The following KANSL1L variants were observed in gnomAD, a reference collection of about 807,000 sequenced individuals.
The protein encoded by KANSL1L is KAT8 regulatory NSL complex subunit 1 like.
In KANSL1L, 25 loss-of-function variants were observed where a neutral mutation model predicts 108.6. The observed-to-expected ratio is 0.23, with a 90% CI of 0.17 to 0.32. The LOEUF is 0.32. KANSL1L is among the 10% of genes least tolerant of loss of function. The probability of loss-of-function intolerance (pLI) is 1.00; values close to 1 mark genes in which losing one functional copy is unlikely to be tolerated. For synonymous variants in KANSL1L, 405 were observed against 395.1 expected (o/e 1.03, Z -0.30); for missense variants, 1,137 against 1,125.7 (o/e 1.01, Z -0.14).
intron 8 of KANSL1L, among the ~76,000 whole-genome samples, chr2:210,039,869 C>CTGAT (rs1312371852): frequency 1.3e-5 from 2 of 151,870 alleles, no homozygotes; most frequent in South Asian, 4.1e-4. Flanking sequence ...CAATTCTTCC[C>CTGAT]TGATATATAA....
intron 3 of KANSL1L, among the ~76,000 whole-genome samples, chr2:210,126,235 C>A (rs2095064411): frequency 6.6e-6 from 1 of 152,114 alleles, no homozygotes; most frequent in South Asian, 2.1e-4. Flanking sequence ...GAATAAAACA[C>A]TTCAGAATAT....
chr2:210,059,753 T>C (rs75904948), intron 6 of KANSL1L, among the ~76,000 whole-genome samples: 285 of 151,924 alleles, frequency 1.9e-3, no homozygotes, highest in African/African-American at 6.6e-3. Context: ...CCCAGCAGCA[T>C]AAAAATACTA....
intron 4 of KANSL1L, among the ~76,000 whole-genome samples, chr2:210,100,339 G>C (rs1196860140): frequency 6.6e-5 from 10 of 152,126 alleles, no homozygotes; most frequent in Non-Finnish European, 1.2e-4. Flanking sequence ...AACACGTTGG[G>C]AACAGCTGAC....
intron 1 of KANSL1L, chr2:210,170,161 C>A (rs1299480187): frequency 1.3e-5 from 2 of 156,884 alleles, no homozygotes; most frequent in East Asian, 3.8e-4. Context: ...GTGCTCACTT[C>A]ACTTAGGTTT....
intron 3 of KANSL1L, among the ~76,000 whole-genome samples, chr2:210,108,497 T>C (rs1559562646): frequency 6.6e-6 from 1 of 152,208 alleles, no homozygotes; most frequent in Non-Finnish European, 1.5e-5. Context: ...AGTTAAAGGA[T>C]TATGAATCAG....
chr2:210,149,181 G>C (rs913697648), intron 2 of KANSL1L, among the ~76,000 whole-genome samples: 4 of 151,840 alleles, frequency 2.6e-5, no homozygotes, highest in Non-Finnish European at 5.9e-5. Context: ...ATATAGAAGA[G>C]AGAAATTTCA....
chr2:210,116,729 C>CCCAAGGG (rs2094957716), intron 3 of KANSL1L, among the ~76,000 whole-genome samples: 1 of 152,162 alleles, frequency 6.6e-6, no homozygotes, highest in South Asian at 2.1e-4. Context: ...GATCACAACA[C>CCCAAGGG]CCAAGGGTGT....
intron 3 of KANSL1L, among the ~76,000 whole-genome samples, chr2:210,126,535 T>C (rs559095612): frequency 7.9e-5 from 12 of 152,062 alleles, no homozygotes; most frequent in African/African-American, 2.4e-4. Flanking sequence ...AAATCTAGAG[T>C]TGGGCTCGGT....
At chr2:210,079,708 A>G (rs1168929286) in intron 5 of KANSL1L, 1 of 132,394 alleles carries the variant, frequency 7.6e-6, no homozygotes, top group African/African-American at 3.0e-5. Flanking sequence ...GTGTATATAT[A>G]TATATATATA....
intron 2 of KANSL1L, among the ~76,000 whole-genome samples, chr2:210,132,448 T>C (rs896987696): frequency 6.6e-6 from 1 of 152,092 alleles, no homozygotes; most frequent in Non-Finnish European, 1.5e-5. Flanking sequence ...ATCAAAGACA[T>C]TGGTGAGTGG....
At chr2:210,077,061 A>C (rs1462462953) in intron 5 of KANSL1L, among the ~76,000 whole-genome samples, 2 of 152,234 alleles carry the variant, frequency 1.3e-5, no homozygotes, top group African/African-American at 4.8e-5. Context: ...GCTTGTGGAT[A>C]AAGTAAATAA....
chr2:210,118,331 G>A (rs2094977062), intron 3 of KANSL1L, among the ~76,000 whole-genome samples: 1 of 151,516 alleles, frequency 6.6e-6, no homozygotes, highest in African/African-American at 2.4e-5. Context: ...AGCCAGGCAT[G>A]GTGGTACATG....
intron 14 of KANSL1L, among the ~76,000 whole-genome samples, chr2:210,023,516 C>G (rs1357526893): frequency 6.6e-6 from 1 of 152,090 alleles, no homozygotes; most frequent in South Asian, 2.1e-4. Flanking sequence ...TTAAAGGTAC[C>G]TATTAACTTT....
At chr2:210,032,703 T>C (rs571842087) in intron 8 of KANSL1L, 1 of 152,320 alleles carries the variant, frequency 6.6e-6, no homozygotes, top group African/African-American at 2.4e-5. Flanking sequence ...GTTGTATAAA[T>C]TCCCTTCCCA....
chr2:210,048,559 G>GTA (rs1490153992), intron 6 of KANSL1L, among the ~76,000 whole-genome samples: 1 of 151,770 alleles, frequency 6.6e-6, no homozygotes, highest in South Asian at 2.1e-4. Context: ...ATATGTGTGT[G>GTA]TATATATGTG....
At chr2:210,120,339 C>T (rs377308651) in intron 3 of KANSL1L, among the ~76,000 whole-genome samples, 55 of 152,186 alleles carry the variant, frequency 3.6e-4, no homozygotes, top group East Asian at 1.4e-3. Context: ...TTGCAGTGAG[C>T]GGAGATCACG....
At chr2:210,110,001 T>A (rs541362114) in intron 3 of KANSL1L, among the ~76,000 whole-genome samples, 1 of 152,296 alleles carries the variant, frequency 6.6e-6, no homozygotes, top group South Asian at 2.1e-4. Flanking sequence ...GCCAAGCTTG[T>A]AATTTCTTTG....
chr2:210,029,607 A>G (rs532950647), intron 10 of KANSL1L, among the ~76,000 whole-genome samples, 196 bp downstream of exon 10: 1 of 152,270 alleles, frequency 6.6e-6, no homozygotes, highest in African/African-American at 2.4e-5. Flanking sequence ...ATAACCAAAT[A>G]TTAATGAACT....
intron 4 of KANSL1L, among the ~76,000 whole-genome samples, chr2:210,099,580 C>A (rs1343782515): frequency 2.0e-5 from 3 of 152,132 alleles, no homozygotes; most frequent in Non-Finnish European, 4.4e-5. Flanking sequence ...GAAATGGATT[C>A]TTTATCCATT....
Sources: allele counts gnomAD v4.1 joint callset (sites outside exome capture counted in the v4.1 genomes callset), GRCh38; gene constraint gnomAD v4.1.1; transcripts MANE v1.5; gene names NCBI Gene and HGNC (gene_info 2026-07-23, HGNC 2026-07-21).